FHIT: variants seen among roughly 807,000 people sequenced by gnomAD.
FHIT encodes the protein fragile histidine triad diadenosine triphosphatase.
A neutral mutation model predicts 17.9 loss-of-function variants in FHIT; 19 were observed. The observed-to-expected ratio is 1.06, with a 90% confidence interval of 0.74 to 1.56. FHIT has a LOEUF of 1.56. Among genes scored for constraint, FHIT ranks in the 40% most tolerant of loss-of-function variants. FHIT has a pLI of 0.00. For synonymous variants in FHIT, 81 were observed against 69.7 expected (o/e 1.16, Z -0.81); for missense variants, 248 against 189.2 (o/e 1.31, Z -1.82).
chr3:60,167,364 AT>A (rs1019281157), intron 5 of FHIT, among the ~76,000 whole-genome samples: 22 of 152,326 alleles, frequency 1.4e-4, no homozygotes, highest in Middle Eastern at 3.4e-3. Flanking sequence ...GAATTATCTA[AT>A]CAAAGTTTGT....
At chr3:60,656,523 C>T (rs9853124) in intron 4 of FHIT, among the ~76,000 whole-genome samples, 6,410 of 152,198 alleles carry the variant, frequency 0.042, 456 homozygotes, top group African/African-American at 0.14. Flanking sequence ...CGCACATCCT[C>T]CTCCTCTCTC....
chr3:60,528,130 C>T (rs893048538), intron 5 of FHIT, among the ~76,000 whole-genome samples: 54 of 152,272 alleles, frequency 3.5e-4, no homozygotes, highest in African/African-American at 1.3e-3. Flanking sequence ...CATGCCATCA[C>T]ACCTAGCCAA....
chr3:61,024,718 A>G (rs948567767), intron 3 of FHIT, among the ~76,000 whole-genome samples: 1 of 152,208 alleles, frequency 6.6e-6, no homozygotes, highest in Non-Finnish European at 1.5e-5. Flanking sequence ...ATTTCAAAAG[A>G]CAACGCATTT....
At chr3:60,174,525 A>G (rs148965907) in intron 5 of FHIT, among the ~76,000 whole-genome samples, 2 of 152,160 alleles carry the variant, frequency 1.3e-5, no homozygotes, top group African/African-American at 4.8e-5. Flanking sequence ...TTATTTTTAT[A>G]CTAGTGTTAC....
intron 4 of FHIT, among the ~76,000 whole-genome samples, chr3:60,538,002 G>C (rs1046812388): frequency 6.6e-6 from 1 of 151,974 alleles, no homozygotes; most frequent in East Asian, 1.9e-4. Flanking sequence ...TTCCTGGCAC[G>C]CAACTCCTAA....
chr3:60,849,325 A>AGG (rs2106903734), intron 3 of FHIT, among the ~76,000 whole-genome samples: 1 of 151,904 alleles, frequency 6.6e-6, no homozygotes, highest in African/African-American at 2.4e-5. Context: ...TATACCATTT[A>AGG]GGATTGTTGT....
At chr3:59,919,904 C>T (rs1705321055) in intron 8 of FHIT, among the ~76,000 whole-genome samples, 1 of 152,198 alleles carries the variant, frequency 6.6e-6, no homozygotes, top group Non-Finnish European at 1.5e-5. Context: ...TGCGGTACTG[C>T]ATGCTTTTCA....
chr3:60,233,794 C>T (rs896215279), intron 5 of FHIT, among the ~76,000 whole-genome samples: 1 of 152,098 alleles, frequency 6.6e-6, no homozygotes, highest in Admixed American at 6.5e-5. Flanking sequence ...TGAGTAAGTC[C>T]CACAGGATCT....
chr3:59,842,789 T>A (rs947197281), intron 8 of FHIT, among the ~76,000 whole-genome samples: 11 of 152,162 alleles, frequency 7.2e-5, no homozygotes. Context: ...TTAGGAATTA[T>A]CTATATATTA....
At position 60,736,260 on chromosome 3, in the gene FHIT, G is replaced by A. The variant is rs146672235; in HGVS notation, c.-18+85659C>T. ...TTAAAAAGTTAAACATAGAGTTACC[G>A]TGTGACCCAGCAAGTCTACTCCTAG... is the stretch of plus-strand genomic sequence containing the variant. On this transcript the variant is annotated intron_variant, in intron 4 of 9. Transcript: ENST00000492590. 2.5e-4 allele frequency among the ~76,000 whole-genome samples: 38 copies of A among 152,168 alleles called. No homozygotes were observed. In the East Asian group the frequency reaches 4.4e-3, roughly 18 times the overall value.
chr3:60,516,482 C>T (rs939586677), intron 5 of FHIT, among the ~76,000 whole-genome samples: 2 of 152,110 alleles, frequency 1.3e-5, no homozygotes, highest in African/African-American at 4.8e-5. Context: ...TCTTGGGGAC[C>T]TTCCGGGGCC....
chr3:59,822,644 ATTGT>A (rs1288489489), intron 8 of FHIT, among the ~76,000 whole-genome samples: 2 of 149,298 alleles, frequency 1.3e-5, no homozygotes, highest in African/African-American at 5.1e-5. Flanking sequence ...TTTTGATGGG[ATTGT>A]TTGTTTTTTT....
intron 5 of FHIT, among the ~76,000 whole-genome samples, chr3:60,324,224 G>A (rs1709569541): frequency 6.6e-6 from 1 of 152,070 alleles, no homozygotes; most frequent in African/African-American, 2.4e-5. Context: ...GCTAGTAACA[G>A]CCAAAACCCT....
chr3:60,561,438 A>T (rs2036941768), intron 4 of FHIT, among the ~76,000 whole-genome samples: 1 of 152,104 alleles, frequency 6.6e-6, no homozygotes, highest in Non-Finnish European at 1.5e-5. Flanking sequence ...AATAAGAGCT[A>T]GTCAAAGAAT....
chr3:61,120,758 A>AAACTTCT (rs2036434705), intron 2 of FHIT, among the ~76,000 whole-genome samples: 1 of 152,152 alleles, frequency 6.6e-6, no homozygotes, highest in African/African-American at 2.4e-5. Context: ...ACGAATTGAC[A>AAACTTCT]GAAGTAGGCT....
chr3:60,867,275 C>CA (rs1704207498), intron 3 of FHIT, among the ~76,000 whole-genome samples: 1 of 152,004 alleles, frequency 6.6e-6, no homozygotes, highest in African/African-American at 2.4e-5. Flanking sequence ...ATGGGTAATG[C>CA]AAAAAATATA....
intron 2 of FHIT, among the ~76,000 whole-genome samples, chr3:61,057,198 G>C (rs1463605226): frequency 6.6e-6 from 1 of 152,192 alleles, no homozygotes; most frequent in Non-Finnish European, 1.5e-5. Flanking sequence ...TTTGAATTTA[G>C]TTTTGTCATT....
chr3:61,174,525 G>A lies in FHIT; in HGVS notation c.-164+26092C>T, dbSNP rs190213819. On this transcript the variant is annotated intron_variant, in intron 2 of 9. Transcript: ENST00000492590. ...GATCTATTCAGAGTTTACTCTGGGC[G>A]GGGGGGACCTCATGATTCCATCTTT... is the stretch of plus-strand genomic sequence containing the variant. 3.7e-3 allele frequency among the ~76,000 whole-genome samples: 561 copies of A among 152,212 alleles called. 1 individual carries two copies. Among genetic ancestry groups the A allele is most frequent in the African/African-American group, 0.013 (528 of 41,528 alleles).
At chr3:60,760,737 T>A (rs1318043949) in intron 4 of FHIT, among the ~76,000 whole-genome samples, 1 of 152,108 alleles carries the variant, frequency 6.6e-6, no homozygotes, top group South Asian at 2.1e-4. Context: ...AACTTGAAAT[T>A]ATGAAGAAAT....
Sources: gnomAD v4.1 joint callset for allele counts (sites outside exome capture counted in the v4.1 genomes callset) on GRCh38, gnomAD v4.1.1 for gene constraint, MANE v1.5 for transcripts, NCBI Gene and HGNC (gene_info 2026-07-23, HGNC 2026-07-21) for gene names.